Variants in XIRP2 observed in about 807,000 individuals in gnomAD.
The protein encoded by XIRP2 is xin actin binding repeat containing 2.
XIRP2 carries 236 observed loss-of-function variants against 277.0 expected under a neutral mutation model. That is an observed-to-expected ratio of 0.85 (90% CI 0.77 to 0.95). The LOEUF is 0.95. XIRP2 is among the 40% of genes least tolerant of loss of function. The probability of loss-of-function intolerance (pLI) is 0.00; values close to 1 mark genes in which losing one functional copy is unlikely to be tolerated. For synonymous variants in XIRP2, 1,490 were observed against 1,416.5 expected (o/e 1.05, Z -1.17); for missense variants, 4,640 against 4,157.5 (o/e 1.12, Z -3.19).
chr2:167,037,513 T>TGGGGG (rs201439550), intron 2 of XIRP2, among the ~76,000 whole-genome samples: 1 of 136,632 alleles, frequency 7.3e-6, no homozygotes, highest in Non-Finnish European at 1.6e-5. Context: ...TTTTTTCATG[T>TGGGGG]GGGGGGTGTG....
chr2:167,028,405 A>T (rs76069760), intron 2 of XIRP2, among the ~76,000 whole-genome samples: 4,585 of 152,102 alleles, frequency 0.03, 80 homozygotes, highest in East Asian at 0.082. Flanking sequence ...AGAGAGCAAA[A>T]GTGTCTGCCT....
Position 167,251,670 on chromosome 2 carries a change from G to C in XIRP2, c.10278G>C (p.Glu3426Asp). The change falls in exon 9 of 11, where the codon GAG becomes GAC. Residue 3426 changes from glutamate to aspartate, a missense_variant. Glu to Asp is a conservative substitution (Grantham distance 45, BLOSUM62 2). Transcript: ENST00000409195. ...SEHFSGMDAF[E>D]SQIVESKMKT... ...ATTTCTCAGGCATGGATGCATTTGA[G>C]AGTCAAATTGTTGAGTCGAAGATGA... The C allele has an allele frequency of 1.2e-6, 2 of 1,613,436 alleles. No homozygotes were observed. The highest frequency in any genetic ancestry group is 1.7e-6 in the Non-Finnish European group (2 of 1,179,632).
rs1695351544 is a variant in XIRP2 at position 167,248,393 on chromosome 2, T to TA, written c.7004dup (p.Ala2336GlyfsTer2). The TA allele has an allele frequency of 6.2e-7, 1 of 1,613,530 alleles. No homozygotes were observed. The highest frequency in any genetic ancestry group is 1.1e-5 in the South Asian group (1 of 91,056). Reference sequence around the variant, plus strand: ...CTTCCCTCACTGTCCACAGAGAAGATAAAGGCTGAATTTGAAAGTTTTCCA... The same window carrying TA: ...CTTCCCTCACTGTCCACAGAGAAGATAAAAGGCTGAATTTGAAAGTTTTCCA... On this transcript the variant is annotated frameshift_variant, in exon 9 of 11. Transcript: ENST00000409195. LOFTEE classifies it high-confidence loss of function.
chr2:167,009,086 A>T (rs546611250), intron 2 of XIRP2, among the ~76,000 whole-genome samples: 2 of 151,726 alleles, frequency 1.3e-5, no homozygotes, highest in Admixed American at 1.3e-4. Flanking sequence ...ATTACATTTT[A>T]AGTTTTAGGG....
At chr2:166,896,981 C>G (rs1684262268) in intron 1 of XIRP2, among the ~76,000 whole-genome samples, 1 of 152,160 alleles carries the variant, frequency 6.6e-6, no homozygotes, top group Non-Finnish European at 1.5e-5. Context: ...GGAGCAAAGG[C>G]TATACCATAT....
At chr2:166,946,755 G>C (rs1685877676) in intron 2 of XIRP2, among the ~76,000 whole-genome samples, 1 of 152,018 alleles carries the variant, frequency 6.6e-6, no homozygotes, top group Admixed American at 6.6e-5. Context: ...CATTAATTGA[G>C]AGGATCAGTA....
At chr2:167,010,024 A>G (rs2105468425) in intron 2 of XIRP2, among the ~76,000 whole-genome samples, 1 of 152,154 alleles carries the variant, frequency 6.6e-6, no homozygotes, top group South Asian at 2.1e-4. Flanking sequence ...TTGCCTGTTC[A>G]CGCTGATGGT....
chr2:167,225,654 G>A (rs1573973138), intron 5 of XIRP2, among the ~76,000 whole-genome samples: 1 of 152,046 alleles, frequency 6.6e-6, no homozygotes, highest in East Asian at 1.9e-4. Flanking sequence ...TCATAGCAGG[G>A]TCTCAGCTTG....
intron 5 of XIRP2, among the ~76,000 whole-genome samples, chr2:167,221,239 G>A (rs535038315): frequency 1.1e-4 from 17 of 152,078 alleles, no homozygotes; most frequent in East Asian, 3.9e-4. Context: ...TTGGGAGGCC[G>A]AGGTGGGCAG....
intron 2 of XIRP2, among the ~76,000 whole-genome samples, chr2:167,132,535 C>T (rs1398059527): frequency 6.6e-6 from 1 of 152,086 alleles, no homozygotes; most frequent in African/African-American, 2.4e-5. Context: ...CACACACACA[C>T]ACACACACAC....
chr2:166,964,210 T>C (rs1287934801), intron 2 of XIRP2, among the ~76,000 whole-genome samples: 1 of 151,878 alleles, frequency 6.6e-6, no homozygotes, highest in African/African-American at 2.4e-5. Context: ...TTCCAGCAGC[T>C]GGTTCAGATT....
At chr2:166,939,282 G>T (rs893905752) in intron 2 of XIRP2, among the ~76,000 whole-genome samples, 3 of 152,106 alleles carry the variant, frequency 2.0e-5, no homozygotes, top group African/African-American at 7.2e-5. Context: ...TTTAGGGCAG[G>T]CCTGGTGGTG....
chr2:167,016,927 G>A lies in XIRP2; in HGVS notation c.408+113037G>A, dbSNP rs1312112101. ...AGTTCTTATATCATGCTTTTTCACT[G>A]GCTTGAAGTAAGACAGGTGAAGTAT... On this transcript the variant is annotated intron_variant, in intron 2 of 10. Transcript: ENST00000409195. Among the ~76,000 whole-genome samples the A allele has an allele frequency of 2.0e-5, 3 of 152,034 alleles. No individual in the cohort carries two copies. The East Asian group carries it at 5.9e-4, about 30-fold the overall frequency.
chr2:167,109,750 A>T (rs186453446), intron 2 of XIRP2, among the ~76,000 whole-genome samples: 2 of 152,240 alleles, frequency 1.3e-5, no homozygotes, highest in East Asian at 3.9e-4. Flanking sequence ...TGGGAAAGCC[A>T]TTGCTTTCTA....
intron 2 of XIRP2, among the ~76,000 whole-genome samples, chr2:167,132,162 G>A (rs952616330): frequency 2.6e-5 from 4 of 152,080 alleles, no homozygotes; most frequent in Non-Finnish European, 4.4e-5. Context: ...CTTGCCTGCA[G>A]TACTGCTATA....
At position 167,251,040 on chromosome 2, in the gene XIRP2, G is replaced by A. The variant is rs1433399759; in HGVS notation, c.9648G>A (p.Met3216Ile). ...PIVEKRSEII[M>I]SPATLRRQIK... ...TAGAGAAGAGGTCTGAAATCATCAT[G>A]TCTCCTGCAACACTTCGTCGTCAAA... Residue 3216 changes from methionine to isoleucine, a missense_variant, in exon 9 of 11, where the codon ATG becomes ATA. Coordinates refer to ENST00000409195, the MANE Select transcript of XIRP2 (RefSeq NM_152381.6). The A allele has an allele frequency of 3.1e-6, 5 of 1,613,664 alleles. No homozygotes were observed. Among genetic ancestry groups the A allele is most frequent in the Non-Finnish European group, 3.4e-6 (4 of 1,179,752 alleles).
chr2:167,002,441 A>T (rs1202262136), intron 2 of XIRP2, among the ~76,000 whole-genome samples: 1 of 152,002 alleles, frequency 6.6e-6, no homozygotes, highest in Non-Finnish European at 1.5e-5. Context: ...ATTATGGTGG[A>T]TATTTAATAT....
chr2:167,203,114 A>G (rs1436638883), intron 3 of XIRP2, among the ~76,000 whole-genome samples: 1 of 152,176 alleles, frequency 6.6e-6, no homozygotes, highest in African/African-American at 2.4e-5. Context: ...CTATCTCAAA[A>G]TCCTTAACTT....
chr2:167,182,504 T>G (rs1330059335), intron 3 of XIRP2, among the ~76,000 whole-genome samples: 1 of 152,144 alleles, frequency 6.6e-6, no homozygotes, highest in East Asian at 1.9e-4. Context: ...AGTTGATCCC[T>G]CTCAAAACAT....
Sources: allele counts gnomAD v4.1 joint callset (sites outside exome capture counted in the v4.1 genomes callset), GRCh38; gene constraint gnomAD v4.1.1; transcripts MANE v1.5; gene names NCBI Gene and HGNC (gene_info 2026-07-23, HGNC 2026-07-21).